Variants in CTNND2 observed in about 807,000 individuals in gnomAD.
CTNND2 encodes catenin delta 2.
A neutral mutation model predicts 144.4 loss-of-function variants in CTNND2; 22 were observed. The ratio of observed to expected loss-of-function variants is 0.15; its 90% CI spans 0.11 to 0.22. The LOEUF is 0.22. Among genes scored for constraint, CTNND2 ranks in the 10% least tolerant of loss-of-function variants. The pLI, the probability that CTNND2 is intolerant of heterozygous loss-of-function variation, is 1.00. For synonymous variants in CTNND2, 751 were observed against 695.6 expected (o/e 1.08, Z -1.25); for missense variants, 1,353 against 1,618.8 (o/e 0.84, Z 2.82).
At chr5:11,435,225 G>A (rs1483288182) in intron 3 of CTNND2, among the ~76,000 whole-genome samples, 2 of 151,736 alleles carry the variant, frequency 1.3e-5, no homozygotes, top group African/African-American at 2.4e-5. Flanking sequence ...CGCAAGCTCT[G>A]CCTCCCAGGT....
Position 11,903,434 on chromosome 5 carries a change from C to A in CTNND2, c.37+383G>T. 1 of 977,736 alleles carries A rather than the reference C, an allele frequency of 1.0e-6. No homozygotes were observed. Among genetic ancestry groups the A allele is most frequent in the Non-Finnish European group, 1.2e-6 (1 of 803,574 alleles). The allele number at this position is 977,736 out of a possible 1,614,324, so 60.6% of individuals were successfully genotyped here. ...ACTGGAGGGAAGTCCTCCCCACCCC[C>A]ACCCCGTCTCCTCCCGTATATTAGG... On this transcript the variant is annotated intron_variant, in intron 1 of 21. Coordinates refer to ENST00000304623, the MANE Select transcript of CTNND2 (RefSeq NM_001332.4). The surrounding 1 kb of genome is among the most constrained non-coding windows in gnomAD (Gnocchi z 5.4).
chr5:11,899,569 C>A (rs1272723318), intron 1 of CTNND2, among the ~76,000 whole-genome samples: 1 of 152,050 alleles, frequency 6.6e-6, no homozygotes, highest in African/African-American at 2.4e-5. Flanking sequence ...AAATTACAGC[C>A]ATTTAATATC....
chr5:11,099,230 AC>A (rs1751645475), intron 14 of CTNND2, among the ~76,000 whole-genome samples: 1 of 152,228 alleles, frequency 6.6e-6, no homozygotes. Context: ...TTACATGTAT[AC>A]AAATTGGGTT....
chr5:11,077,333 G>T (rs144818641), intron 16 of CTNND2, among the ~76,000 whole-genome samples: 13 of 152,248 alleles, frequency 8.5e-5, no homozygotes, highest in African/African-American at 3.1e-4. Flanking sequence ...GCAGGGAAAG[G>T]AGCTGAGGGT....
intron 1 of CTNND2, among the ~76,000 whole-genome samples, chr5:11,868,784 G>A (rs1186081871): frequency 1.3e-5 from 2 of 152,148 alleles, no homozygotes; most frequent in African/African-American, 2.4e-5. Context: ...CTCTTGCCAT[G>A]TGAGGCCCTC....
intron 3 of CTNND2, among the ~76,000 whole-genome samples, chr5:11,467,805 T>C (rs1766817357): frequency 6.6e-6 from 1 of 152,248 alleles, no homozygotes. Context: ...CCTGTTTTTC[T>C]TCTACATGCA....
At chr5:11,389,999 C>G (rs948828225) in intron 6 of CTNND2, among the ~76,000 whole-genome samples, 1 of 152,076 alleles carries the variant, frequency 6.6e-6, no homozygotes, top group African/African-American at 2.4e-5. Context: ...ATTATGGATA[C>G]GCAAGTATTC....
intron 1 of CTNND2, among the ~76,000 whole-genome samples, chr5:11,774,755 C>G (rs184025372): frequency 5.1e-4 from 77 of 152,036 alleles, no homozygotes; most frequent in Admixed American, 4.0e-3. Context: ...TTTATTAGTA[C>G]GATTTTCTTC....
chr5:11,202,380 C>G (rs1437285375), intron 10 of CTNND2, among the ~76,000 whole-genome samples: 1 of 151,804 alleles, frequency 6.6e-6, no homozygotes, highest in East Asian at 1.9e-4. Context: ...TGCCATATAC[C>G]CAAATTTATA....
chr5:11,759,550 TTTC>T (rs1465533646), intron 1 of CTNND2, among the ~76,000 whole-genome samples: 1 of 108,872 alleles, frequency 9.2e-6, no homozygotes, highest in Non-Finnish European at 2.0e-5. Flanking sequence ...TACAATCAGG[TTTC>T]TTATCAATTA....
intron 9 of CTNND2, among the ~76,000 whole-genome samples, chr5:11,282,118 G>C (rs994441227): frequency 7.9e-5 from 12 of 151,890 alleles, no homozygotes; most frequent in African/African-American, 2.9e-4. Flanking sequence ...ACCATGGCTG[G>C]CAAGTCAGTG....
intron 9 of CTNND2, among the ~76,000 whole-genome samples, chr5:11,330,669 A>C (rs1268256175): frequency 6.6e-6 from 1 of 151,516 alleles, no homozygotes; most frequent in Non-Finnish European, 1.5e-5. Flanking sequence ...TGTCTCTACT[A>C]AAAATGCAAA....
intron 1 of CTNND2, among the ~76,000 whole-genome samples, chr5:11,775,140 C>A (rs6863231): frequency 0.86 from 130,707 of 152,156 alleles, 58,985 homozygotes; most frequent in South Asian, 0.99. Context: ...TACCACATTA[C>A]CTTTTAGGAA....
At chr5:11,795,281 T>C (rs960636885) in intron 1 of CTNND2, among the ~76,000 whole-genome samples, 3 of 152,100 alleles carry the variant, frequency 2.0e-5, no homozygotes, top group African/African-American at 7.2e-5. Flanking sequence ...ACCCTTCAGC[T>C]GAGCCATGAC....
intron 2 of CTNND2, among the ~76,000 whole-genome samples, chr5:11,613,349 T>C (rs1194509858): frequency 3.3e-5 from 5 of 152,204 alleles, no homozygotes; most frequent in Admixed American, 1.3e-4. Flanking sequence ...ATAATCTTTT[T>C]AAAGTGCTTC....
chr5:11,081,861 G>GT (rs1749612622), intron 16 of CTNND2, among the ~76,000 whole-genome samples: 1 of 152,198 alleles, frequency 6.6e-6, no homozygotes, highest in Non-Finnish European at 1.5e-5. Flanking sequence ...AATGGGAACA[G>GT]TGTTTGCCTT....
At chr5:11,614,968 ATG>A (rs1353593734) in intron 2 of CTNND2, among the ~76,000 whole-genome samples, 1 of 152,044 alleles carries the variant, frequency 6.6e-6, no homozygotes, top group African/African-American at 2.4e-5. Context: ...GATGCAAAAT[ATG>A]TGTTTTGTCT....
intron 1 of CTNND2, among the ~76,000 whole-genome samples, chr5:11,883,553 G>A (rs1736293286): frequency 6.6e-6 from 1 of 152,116 alleles, no homozygotes. Context: ...GTGTATATGT[G>A]CCATATTTTA....
At chr5:11,056,410 T>A (rs542869751) in intron 16 of CTNND2, among the ~76,000 whole-genome samples, 1 of 152,364 alleles carries the variant, frequency 6.6e-6, no homozygotes, top group East Asian at 1.9e-4. Context: ...CCTGATGTGA[T>A]ACATATAGCT....
Sources: gnomAD v4.1 joint callset for allele counts (sites outside exome capture counted in the v4.1 genomes callset) on GRCh38, gnomAD v4.1.1 for gene constraint, Gnocchi (gnomAD v3.1) non-coding constraint, MANE v1.5 for transcripts, NCBI Gene and HGNC (gene_info 2026-07-23, HGNC 2026-07-21) for gene names.